The following SELENOW variants were observed in gnomAD, a reference collection of about 807,000 sequenced individuals.
The protein encoded by SELENOW is selenoprotein W, also known as selenoprotein W, 1.
Under a neutral mutation model 16.6 loss-of-function variants are expected in SELENOW, and 20 were observed. That is an observed-to-expected ratio of 1.21 (90% CI 0.85 to 1.76). The LOEUF is 1.76. SELENOW is among the 40% of genes most tolerant of loss of function. SELENOW has a pLI of 0.00. For synonymous variants in SELENOW, 44 were observed against 46.2 expected, an observed-to-expected ratio of 0.95 and a Z score of 0.19; for missense variants, 124 against 111.0, an observed-to-expected ratio of 1.12 and a Z score of -0.53.
At position 47,780,918 on chromosome 19, in the gene SELENOW, G is replaced by GT; in HGVS notation, c.108+2dup. On this transcript the variant is annotated splice_donor_variant, in intron 3 of 5. Transcript: ENST00000601048. LOFTEE classifies it high-confidence loss of function. Reference sequence around the variant, plus strand: ...TGAGTTCCCCGGCCGCCTGGACATCGTGAGTCTTGGGATGGGGAGAAAGAC... The same window carrying GT: ...TGAGTTCCCCGGCCGCCTGGACATCGTTGAGTCTTGGGATGGGGAGAAAGAC... The GT allele has an allele frequency of 6.2e-7, 1 of 1,613,354 alleles. No individual in the cohort carries two copies. Among genetic ancestry groups the GT allele is most frequent in the Non-Finnish European group, 8.5e-7 (1 of 1,179,660 alleles).
chr19:47,780,603 CTT>C, intron 1 of SELENOW, 120 bp from the exon 2 acceptor site: 1 of 786,486 alleles, frequency 1.3e-6, no homozygotes, highest in Admixed American at 2.1e-5. Context: ...CTGTGTTCCT[CTT>C]TATTTCTTCC....
At position 47,781,122 on chromosome 19, in the gene SELENOW, T is replaced by C; in HGVS notation, c.123T>C (p.Thr41=). ...PGRLDICGEG[T]PQATGFFEVM... ...CCTTTCCTCAGTGCGGCGAGGGAAC[T>C]CCCCAGGCCACCGGGTTCTTTGAAG... is the stretch of plus-strand genomic sequence containing the variant. The change falls in exon 4 of 6, where the codon ACT becomes ACC. Residue 41 remains threonine, a synonymous_variant. Transcript: ENST00000601048. The C allele has an allele frequency of 1.2e-6, 2 of 1,613,730 alleles. No homozygotes were observed. Among genetic ancestry groups the C allele is most frequent in the East Asian group, 4.5e-5 (2 of 44,834 alleles).
At chr19:47,781,051 G>A (rs966984695) in intron 3 of SELENOW, 57 bp from the exon 4 acceptor site, 11 of 1,562,004 alleles carry the variant, frequency 7.0e-6, no homozygotes, top group Non-Finnish European at 8.8e-6. Context: ...GAAGGGGAGG[G>A]TCTCCCCAAG....
chr19:47,780,915 A>G lies in SELENOW; in HGVS notation c.106A>G (p.Ile36Val), dbSNP rs369877731. The change falls in exon 3 of 6, where the codon ATC (isoleucine) becomes GTC (valine). Residue 36 changes from isoleucine to valine, a missense_variant and splice_region_variant. Transcript: ENST00000601048. ...AGATGAGTTCCCCGGCCGCCTGGAC[A>G]TCGTGAGTCTTGGGATGGGGAGAAA... ...LEDEFPGRLD[I>V]CGEGTPQATG... 24 of 1,613,414 alleles carry G rather than the reference A, an allele frequency of 1.5e-5. No individual in the cohort carries two copies. The highest frequency in any genetic ancestry group is 1.9e-5 in the Non-Finnish European group (23 of 1,179,764).
chr19:47,780,171 G>C, intron 1 of SELENOW: 1 of 450,742 alleles, frequency 2.2e-6, no homozygotes, highest in South Asian at 1.6e-5. Flanking sequence ...ACTTTGGGAG[G>C]CTGGGGCGGG....
chr19:47,781,520 TAA>T, intron 5 of SELENOW, 132 bp downstream of exon 5: 1 of 634,156 alleles, frequency 1.6e-6, no homozygotes, highest in Non-Finnish European at 2.8e-6. Flanking sequence ...GCGAGCGGGA[TAA>T]AGTTAGACCC....
chr19:47,781,365 G>A lies in SELENOW; in HGVS notation c.259G>A (p.Gly87Ser). ...CGCCATCAAAGCCGCCTTGGCTCAG[G>A]GCTAATGCGCCCTGAAGGCAGAGGT... is the stretch of plus-strand genomic sequence containing the variant. ...VAAIKAALAQ[G>S] The change falls in exon 5 of 6, where the codon GGC (glycine) becomes AGC (serine). Residue 87 changes from glycine (G) to serine (S), a missense_variant. By Grantham distance (56) the Gly-to-Ser change is moderately conservative. Transcript: ENST00000601048. The A allele has an allele frequency of 6.3e-7, 1 of 1,593,010 alleles. No individual in the cohort carries two copies. The highest frequency in any genetic ancestry group is 8.6e-7 in the Non-Finnish European group (1 of 1,168,282).
Position 47,778,708 on chromosome 19 carries a change from C to A in SELENOW, c.-78C>A, listed in dbSNP as rs566817434. 6.6e-7 allele frequency: 1 copy of A among 1,509,278 alleles called. No homozygotes were observed. The highest frequency in any genetic ancestry group is 1.4e-5 in the African/African-American group (1 of 71,394). 93.5% of individuals were successfully genotyped at this position (1,509,278 alleles called of 1,614,324 possible). On this transcript the variant is annotated 5_prime_UTR_variant, in exon 1 of 6. Transcript: ENST00000601048. ...TCTGCGCAGGTTCCCGCCGCACTCG[C>A]GCAGACCTAGCGCGTCCAGGTGGGA... is the stretch of plus-strand genomic sequence containing the variant.
At chr19:47,781,264 C>A in intron 4 of SELENOW, 26 bp from the exon 5 acceptor site, 1 of 1,606,720 alleles carries the variant, frequency 6.2e-7, no homozygotes, top group Non-Finnish European at 8.5e-7. Flanking sequence ...CCCAGCTCAC[C>A]CCTTCCCTCT....
At chr19:47,781,459 C>G (rs1428426891) in intron 5 of SELENOW, 71 bp downstream of exon 5, 5 of 881,110 alleles carry the variant, frequency 5.7e-6, no homozygotes, top group Admixed American at 4.2e-5. Context: ...GACTCCTTGG[C>G]CCAGGGTGGA....
At chr19:47,780,073 G>T (rs1237870263) in intron 1 of SELENOW, 1 of 454,060 alleles carries the variant, frequency 2.2e-6, no homozygotes, top group South Asian at 1.6e-5. Context: ...GGTTGGGTGA[G>T]CCTGTATTTC....
At chr19:47,779,808 C>CA (rs61139973) in intron 1 of SELENOW, 1,492 of 161,970 alleles carry the variant, frequency 9.2e-3, no homozygotes, top group South Asian at 0.033. Context: ...GACTCTGTCT[C>CA]AAAAAAAAAA....
intron 5 of SELENOW, chr19:47,782,435 C>G (rs1967487295): frequency 6.6e-6 from 1 of 152,324 alleles, no homozygotes; most frequent in African/African-American, 2.4e-5. Context: ...ACCTGAGCCC[C>G]CCTTCCCAAC....
intron 1 of SELENOW, chr19:47,780,011 C>T (rs892283724): frequency 5.5e-5 from 19 of 343,168 alleles, no homozygotes; most frequent in Middle Eastern, 3.9e-4. Flanking sequence ...CATTTTGAGA[C>T]GCCTACCAGG....
At chr19:47,778,882 A>G in intron 1 of SELENOW, 68 bp downstream of exon 1, 2 of 1,502,850 alleles carry the variant, frequency 1.3e-6, no homozygotes, top group Non-Finnish European at 1.8e-6. Flanking sequence ...AGCCGGGGTC[A>G]GGGAGCCCCG....
intron 1 of SELENOW, chr19:47,779,368 C>T (rs576332992): frequency 5.9e-5 from 9 of 153,806 alleles, no homozygotes; most frequent in African/African-American, 1.7e-4. Context: ...CGCTTAATTT[C>T]TGCAAGTCTC....
At position 47,781,234 on chromosome 19, in the gene SELENOW, G is replaced by A. The variant is rs1387853795; in HGVS notation, c.183+52G>A. The A allele has an allele frequency of 1.4e-5, 23 of 1,598,136 alleles. No homozygotes were observed. The East Asian group carries it at 4.9e-4, about 34-fold the overall frequency. On this transcript the variant is annotated intron_variant, in intron 4 of 5. Coordinates refer to ENST00000601048, the MANE Select transcript of SELENOW (RefSeq NM_003009.4). ...GTTTTGGGGCTAGCATGGGGTTGGG[G>A]CTGAGGTTGGTGTCTCGGTCCCAGC... is the stretch of plus-strand genomic sequence containing the variant.
intron 4 of SELENOW, 39 bp from the exon 5 acceptor site, chr19:47,781,251 G>A: frequency 6.3e-7 from 1 of 1,596,916 alleles, no homozygotes; most frequent in Non-Finnish European, 8.6e-7. Flanking sequence ...TTGGTGTCTC[G>A]GTCCCAGCTC....
chr19:47,780,266 C>A, intron 1 of SELENOW: 1 of 366,922 alleles, frequency 2.7e-6, no homozygotes, highest in Non-Finnish European at 5.5e-6. Context: ...TGTAAGAATC[C>A]AGGAGCCGCA....
Sources: allele counts gnomAD v4.1 joint callset, GRCh38; gene constraint gnomAD v4.1.1; transcripts MANE v1.5; gene names NCBI Gene and HGNC (gene_info 2026-07-23, HGNC 2026-07-21).